COL5A1: variants seen among roughly 807,000 people sequenced by gnomAD.
The protein encoded by COL5A1 is collagen alpha-1(V) chain.
Under a neutral mutation model 263.7 loss-of-function variants are expected in COL5A1, and 16 were observed. That is an observed-to-expected ratio of 0.06 (90% CI 0.04 to 0.09). COL5A1 has a LOEUF of 0.09. Among genes scored for constraint, COL5A1 ranks in the 10% least tolerant of loss-of-function variants. The probability of loss-of-function intolerance (pLI) is 1.00; values close to 1 mark genes in which losing one functional copy is unlikely to be tolerated. For synonymous variants in COL5A1, 1,012 were observed against 1,004.5 expected (o/e 1.01, Z -0.14); for missense variants, 2,036 against 2,540.5 (o/e 0.80, Z 4.27).
At chr9:134,671,302 A>T (rs930941562) in intron 1 of COL5A1, among the ~76,000 whole-genome samples, 4 of 152,164 alleles carry the variant, frequency 2.6e-5, no homozygotes, top group Non-Finnish European at 5.9e-5. Flanking sequence ...CGTCAGCTCC[A>T]AGTCCTGCCC....
intron 4 of COL5A1, among the ~76,000 whole-genome samples, chr9:134,703,731 G>A (rs1458262232): frequency 7.0e-6 from 1 of 143,572 alleles, no homozygotes; most frequent in Non-Finnish European, 1.5e-5. Context: ...TCTGCCTCCC[G>A]GGTTCACGCC....
rs764751701 is a variant in COL5A1, at chr9:134,821,916, G to A, written c.4555-181G>A. 3.3e-5 allele frequency among the ~76,000 whole-genome samples: 5 copies of A among 152,246 alleles called. No individual in the cohort carries two copies. Among genetic ancestry groups the A allele is most frequent in the Non-Finnish European group, 7.3e-5 (5 of 68,048 alleles). The stretch of plus-strand genomic sequence containing the variant: ...CCTTGGGGTGGATGCTCAGGTCGAT[G>A]GCTCCCCTGACATGCACAGCCCAGG... On this transcript the variant is annotated intron_variant, in intron 58 of 65. Transcript: ENST00000371817. This position sits in a 1 kb window ranked among gnomAD's most constrained non-coding sequence, Gnocchi z 4.2.
At chr9:134,734,240 A>G (rs1835014018) in intron 9 of COL5A1, among the ~76,000 whole-genome samples, 1 of 151,970 alleles carries the variant, frequency 6.6e-6, no homozygotes, top group African/African-American at 2.4e-5. Flanking sequence ...ATGGCTCTGG[A>G]AAGTCCAGTT....
At chr9:134,827,753 C>G (rs967063433) in intron 63 of COL5A1, among the ~76,000 whole-genome samples, 1 of 152,220 alleles carries the variant, frequency 6.6e-6, no homozygotes, top group African/African-American at 2.4e-5. Flanking sequence ...AGTGGAGACG[C>G]TTTCCGAGGT....
intron 27 of COL5A1, among the ~76,000 whole-genome samples, chr9:134,778,582 A>G (rs1049008299): frequency 6.6e-6 from 1 of 152,134 alleles, no homozygotes; most frequent in African/African-American, 2.4e-5. Flanking sequence ...TGTCCCCCCA[A>G]GGCGCTCCAT....
At chr9:134,738,916 G>T in intron 11 of COL5A1, 108 bp downstream of exon 11, 2 of 902,478 alleles carry the variant, frequency 2.2e-6, no homozygotes, top group East Asian at 2.4e-5. Flanking sequence ...TGACCCAGAG[G>T]CTTGTGTCTT....
intron 1 of COL5A1, chr9:134,649,245 C>G: frequency 1.2e-5 from 4 of 320,098 alleles, no homozygotes; most frequent in South Asian, 1.1e-4. Context: ...TCAGATAGTC[C>G]GAGCCGTCAC....
intron 11 of COL5A1, among the ~76,000 whole-genome samples, chr9:134,749,066 G>C (rs138564492): frequency 6.6e-6 from 1 of 152,176 alleles, no homozygotes; most frequent in East Asian, 1.9e-4. Flanking sequence ...GTGAAACCCC[G>C]TCTCTACTAA....
intron 9 of COL5A1, among the ~76,000 whole-genome samples, chr9:134,737,108 C>T (rs1835128571): frequency 6.6e-6 from 1 of 152,224 alleles, no homozygotes; most frequent in Non-Finnish European, 1.5e-5. Flanking sequence ...CATAGATCCA[C>T]CAGGCGTCAT....
Position 134,699,789 on chromosome 9 carries a change from G to A in COL5A1, c.278-120G>A. 4 of 929,486 alleles carry A rather than the reference G, an allele frequency of 4.3e-6. No individual in the cohort carries two copies. The South Asian group carries it at 5.4e-5, about 13-fold the overall frequency. 57.6% of individuals were successfully genotyped at this position (929,486 alleles called of 1,614,324 possible). On this transcript the variant is annotated intron_variant, in intron 2 of 65. Coordinates refer to ENST00000371817, the MANE Select transcript of COL5A1 (RefSeq NM_000093.5). ...GGGCAGATGTGCAGCAGATGGCAGT[G>A]CCCCACGACGGGCAGCACAGCTTCC...
intron 1 of COL5A1, among the ~76,000 whole-genome samples, chr9:134,662,980 A>G (rs1030461127): frequency 1.3e-5 from 2 of 152,184 alleles, no homozygotes; most frequent in Non-Finnish European, 2.9e-5. Context: ...TTGGAAATTT[A>G]CTAAAAATAC....
chr9:134,717,983 A>C (rs1834330346), intron 4 of COL5A1, among the ~76,000 whole-genome samples: 1 of 151,692 alleles, frequency 6.6e-6, no homozygotes, highest in Non-Finnish European at 1.5e-5. Context: ...TAGAGGGAGC[A>C]GCAGCATGAG....
chr9:134,804,161 T>C (rs1333418836), intron 39 of COL5A1, among the ~76,000 whole-genome samples: 1 of 152,068 alleles, frequency 6.6e-6, no homozygotes, highest in Non-Finnish European at 1.5e-5. Flanking sequence ...CGGGTGTGCA[T>C]GTAGATATAG....
rs1836098523 is a variant in COL5A1, at chr9:134,758,950, TGTG to T, written c.1935+657_1935+659del. 1.3e-5 allele frequency among the ~76,000 whole-genome samples: 2 copies of T among 152,158 alleles called. No individual in the cohort carries two copies. The highest frequency in any genetic ancestry group is 4.8e-5 in the African/African-American group (2 of 41,406). ...GAATCTTGAATCTGTCTCAATAGACTGTGGTCTTCTTTCAATAACAACGTGATA... is the reference window on the plus strand; with the variant it reads ...GAATCTTGAATCTGTCTCAATAGACTGTCTTCTTTCAATAACAACGTGATA... On this transcript the variant is annotated intron_variant, in intron 18 of 65. Coordinates refer to ENST00000371817, the MANE Select transcript of COL5A1 (RefSeq NM_000093.5). The surrounding 1 kb of genome is among the most constrained non-coding windows in gnomAD (Gnocchi z 4.1).
chr9:134,799,761 G>A (rs1838041463), intron 37 of COL5A1, among the ~76,000 whole-genome samples: 1 of 150,496 alleles, frequency 6.6e-6, no homozygotes, highest in Non-Finnish European at 1.5e-5. Context: ...TTTGTTTATA[G>A]AGAAAAATTA....
intron 25 of COL5A1, among the ~76,000 whole-genome samples, chr9:134,770,209 G>A (rs1028671130): frequency 6.6e-6 from 1 of 152,258 alleles, no homozygotes; most frequent in Non-Finnish European, 1.5e-5. Context: ...AGCACATTGA[G>A]GGTAAACCCT....
At chr9:134,749,382 C>A (rs771237257) in intron 11 of COL5A1, among the ~76,000 whole-genome samples, 1 of 152,198 alleles carries the variant, frequency 6.6e-6, no homozygotes, top group Non-Finnish European at 1.5e-5. Context: ...TGAAAAGGGA[C>A]CTTTCACTTT....
chr9:134,796,590 CCGTAGGTCAGGGG>C, intron 35 of COL5A1, among the ~76,000 whole-genome samples, 172 bp downstream of exon 35: 1 of 152,184 alleles, frequency 6.6e-6, no homozygotes, highest in Non-Finnish European at 1.5e-5. Context: ...GTGAACTCTT[CCGTAGGTCAGGGG>C]CCTCGACCGC....
chr9:134,766,533 G>A, intron 22 of COL5A1, 35 bp downstream of exon 22: 1 of 1,610,480 alleles, frequency 6.2e-7, no homozygotes, highest in South Asian at 1.1e-5. Flanking sequence ...TGGCTTCAGG[G>A]GCACTTTCCC....
Sources: allele counts gnomAD v4.1 joint callset (sites outside exome capture counted in the v4.1 genomes callset), GRCh38; gene constraint gnomAD v4.1.1; non-coding constraint Gnocchi (gnomAD v3.1); transcripts MANE v1.5; gene names NCBI Gene and HGNC (gene_info 2026-07-23, HGNC 2026-07-21).